NAT1: variants seen among roughly 807,000 people sequenced by gnomAD.
The protein encoded by NAT1 is N-acetyltransferase 1.
For missense variants in NAT1, 400 were observed against 339.2 expected, an observed-to-expected ratio of 1.18 and a Z score of -1.41; for synonymous variants, 144 against 122.6, an observed-to-expected ratio of 1.17 and a Z score of -1.16.
In NAT1 at chr8:18,222,141, A is replaced by G. The variant is rs757584542; in HGVS notation, c.94A>G (p.Ile32Val). 1.9e-6 allele frequency: 3 copies of G among 1,614,142 alleles called. No homozygotes were observed. In the Admixed American group the frequency reaches 5.0e-5, roughly 27 times the overall value. The change falls in exon 3 of 3, where the codon ATC becomes GTC. Residue 32 changes from isoleucine (I) to valine (V), a missense_variant. Physicochemically the swap from Ile to Val is conservative, Grantham distance 29. Coordinates refer to ENST00000307719, the MANE Select transcript of NAT1 (RefSeq NM_000662.8). ...ETLTDILQHQ[I>V]RAVPFENLNI... is the part of the protein sequence containing the mutation. ...ATTAACTGACATTCTTCAACACCAG[A>G]TCCGAGCTGTTCCCTTTGAGAACCT...
At chr8:18,203,864 C>G (rs1803583164) in intron 2 of NAT1, among the ~76,000 whole-genome samples, 2 of 152,156 alleles carry the variant, frequency 1.3e-5, no homozygotes, top group Non-Finnish European at 2.9e-5. Context: ...AGGCTGGGAG[C>G]TTGCACAGGT....
At chr8:18,184,106 T>C (rs1802634209) in intron 2 of NAT1, among the ~76,000 whole-genome samples, 1 of 152,178 alleles carries the variant, frequency 6.6e-6, no homozygotes, top group South Asian at 2.1e-4. Flanking sequence ...CTCTCTGTGG[T>C]GGCCCCACCC....
chr8:18,193,654 T>TTC lies in NAT1; in HGVS notation n.93-16127_93-16126insTC, dbSNP rs1491532277. On this transcript the variant is annotated intron_variant and non_coding_transcript_variant, in intron 2 of 4. Transcript: ENST00000517441. ...TGCTTTTTTTTTTTTTTTTTTTTTT[T>TTC]CGAGATGGACTTTCACTCTTGGGGT... Among the ~76,000 whole-genome samples, 11 of 138,924 alleles carry TTC rather than the reference T, an allele frequency of 7.9e-5. No individual in the cohort carries two copies. The East Asian group carries it at 8.3e-4, about 10-fold the overall frequency. 91.1% of individuals were successfully genotyped at this position (138,924 alleles called of 152,430 possible). A position where few individuals can be genotyped will look rare whatever the true frequency, so the allele number is the denominator to read the frequency against.
At chr8:18,197,162 C>A (rs142415909) in intron 2 of NAT1, among the ~76,000 whole-genome samples, 64 of 152,280 alleles carry the variant, frequency 4.2e-4, no homozygotes, top group Middle Eastern at 3.4e-3. Context: ...CCATGAACCA[C>A]CCCCAGGATC....
At chr8:18,184,020 G>A (rs891000485) in intron 2 of NAT1, among the ~76,000 whole-genome samples, 6 of 152,040 alleles carry the variant, frequency 3.9e-5, no homozygotes, top group African/African-American at 1.4e-4. Flanking sequence ...GTGGCTCTAT[G>A]CTTTCAGGGT....
chr8:18,179,873 C>G (rs2157652), intron 2 of NAT1, among the ~76,000 whole-genome samples: 22,443 of 152,182 alleles, frequency 0.15, 1,965 homozygotes, highest in South Asian at 0.29. Context: ...CTGCCTGCCT[C>G]TAATGATTTG....
At chr8:18,212,227 C>A (rs928219500) in intron 1 of NAT1, 4 of 152,194 alleles carry the variant, frequency 2.6e-5, no homozygotes, top group African/African-American at 9.7e-5. Flanking sequence ...AGTGCCAAGT[C>A]ACATAGGGAT....
upstream of NAT1, chr8:18,209,971 G>A (rs550624532): frequency 2.0e-5 from 3 of 152,234 alleles, no homozygotes; most frequent in African/African-American, 4.8e-5. Flanking sequence ...ATATGAATAA[G>A]GGGTCCACAG....
chr8:18,217,526 T>C (rs1045112890), intron 1 of NAT1, among the ~76,000 whole-genome samples: 1 of 152,230 alleles, frequency 6.6e-6, no homozygotes, highest in East Asian at 1.9e-4. Context: ...AATCAGCTTT[T>C]AGTATTTGGG....
intron 2 of NAT1, among the ~76,000 whole-genome samples, chr8:18,174,617 C>T (rs1017871341): frequency 3.3e-5 from 5 of 152,034 alleles, no homozygotes; most frequent in African/African-American, 1.2e-4. Flanking sequence ...AGTCCTCACG[C>T]CCTGGAGAAC....
intron 2 of NAT1, among the ~76,000 whole-genome samples, chr8:18,197,680 A>C (rs1803293718): frequency 6.6e-6 from 1 of 152,124 alleles, no homozygotes; most frequent in African/African-American, 2.4e-5. Context: ...CCTTTCTCTC[A>C]TTGTTCTTGC....
In NAT1 at chr8:18,197,175, A is replaced by G. The variant is rs151317451; in HGVS notation, n.93-12606A>G. Among the ~76,000 whole-genome samples, 364 of 152,276 alleles carry G rather than the reference A, an allele frequency of 2.4e-3. 3 individuals carry two copies. The Middle Eastern group carries it at 0.024, about 10-fold the overall frequency. ...ATCCATGAACCACCCCCAGGATCCA[A>G]TCACCTCCTACCTGGTCCCTCCACT... is the stretch of plus-strand genomic sequence containing the variant. On this transcript the variant is annotated intron_variant and non_coding_transcript_variant, in intron 2 of 4. Coordinates refer to the NAT1 transcript ENST00000517441.
At chr8:18,178,289 C>G (rs990916152) in intron 2 of NAT1, among the ~76,000 whole-genome samples, 1 of 143,136 alleles carries the variant, frequency 7.0e-6, no homozygotes, top group Non-Finnish European at 1.5e-5. Context: ...ACTTCTTAGA[C>G]AGCATTCCTT....
chr8:18,194,160 G>A (rs1175744054), intron 2 of NAT1, among the ~76,000 whole-genome samples: 2 of 152,124 alleles, frequency 1.3e-5, no homozygotes, highest in African/African-American at 4.8e-5. Context: ...TGGAGGTGGG[G>A]GAGTGCCGAC....
chr8:18,183,156 T>C (rs1802588410), intron 2 of NAT1, among the ~76,000 whole-genome samples: 2 of 152,226 alleles, frequency 1.3e-5, no homozygotes, highest in South Asian at 2.1e-4. Flanking sequence ...CCTCATGTGG[T>C]GGAAGGTGAA....
chr8:18,203,969 G>C lies in NAT1; in HGVS notation n.93-5812G>C, dbSNP rs1353562506. Reference sequence around the variant, plus strand: ...ACCTGTACTGTAAAGGAGCAGACAAGATGGTGCCAATCAACTGGAAAGTCC... The same window carrying C: ...ACCTGTACTGTAAAGGAGCAGACAACATGGTGCCAATCAACTGGAAAGTCC... On this transcript the variant is annotated intron_variant and non_coding_transcript_variant, in intron 2 of 4. Coordinates refer to the NAT1 transcript ENST00000517441. Among the ~76,000 whole-genome samples the C allele has an allele frequency of 2.0e-5, 3 of 152,132 alleles. No homozygotes were observed. In the East Asian group the frequency reaches 5.8e-4, roughly 29 times the overall value.
intron 2 of NAT1, among the ~76,000 whole-genome samples, chr8:18,188,990 G>A (rs1199677040): frequency 1.2e-3 from 12 of 10,218 alleles, no homozygotes; most frequent in African/African-American, 2.3e-3. Flanking sequence ...GAGAGACTCC[G>A]ACTCAAAAAA....
At chr8:18,213,960 C>T (rs978610940) in intron 1 of NAT1, among the ~76,000 whole-genome samples, 54 of 152,026 alleles carry the variant, frequency 3.6e-4, no homozygotes, top group African/African-American at 1.2e-3. Context: ...ACTACAGGCA[C>T]CTGCCATTGT....
intron 2 of NAT1, among the ~76,000 whole-genome samples, chr8:18,175,347 C>T (rs1802256173): frequency 6.6e-6 from 1 of 152,028 alleles, no homozygotes; most frequent in African/African-American, 2.4e-5. Context: ...ACCCTTTGAT[C>T]AACATCTTTC....
Sources: allele counts gnomAD v4.1 joint callset (sites outside exome capture counted in the v4.1 genomes callset), GRCh38; gene constraint gnomAD v4.1.1; transcripts MANE v1.5; gene names NCBI Gene and HGNC (gene_info 2026-07-23, HGNC 2026-07-21).